Variants in KATNIP observed in about 807,000 individuals in gnomAD.
KATNIP encodes katanin-interacting protein.
KATNIP carries 126 observed loss-of-function variants against 174.0 expected under a neutral mutation model. The observed-to-expected ratio is 0.72, with a 90% confidence interval of 0.63 to 0.84. KATNIP has a LOEUF of 0.84. KATNIP is among the 40% of genes least tolerant of loss of function. The pLI, the probability that KATNIP is intolerant of heterozygous loss-of-function variation, is 0.00. For synonymous variants in KATNIP, 810 were observed against 835.7 expected (o/e 0.97, Z 0.53); for missense variants, 1,958 against 2,109.7 (o/e 0.93, Z 1.41).
chr16:27,597,550 T>C (rs1307717522), intron 2 of KATNIP, among the ~76,000 whole-genome samples: 3 of 152,140 alleles, frequency 2.0e-5, no homozygotes, highest in Admixed American at 2.0e-4. Flanking sequence ...ATCTGCTCTT[T>C]TATTTCTTAA....
intron 6 of KATNIP, among the ~76,000 whole-genome samples, chr16:27,655,400 A>T (rs1431476809): frequency 6.7e-6 from 1 of 148,586 alleles, no homozygotes; most frequent in Non-Finnish European, 1.5e-5. Context: ...TGTCCAGCCA[A>T]TTATTTATTT....
rs1013999116 is a variant in KATNIP, at chr16:27,754,074, A to T, written c.3553-99A>T. On this transcript the variant is annotated intron_variant, in intron 17 of 27. Transcript: ENST00000261588. ...AACACACAAGGACTTACCTGGGCAT[A>T]GGGTGGGCAGTGGTAAATGCAGAAA... The T allele has an allele frequency of 5.3e-6, 5 of 934,600 alleles. No homozygotes were observed. The African/African-American group carries it at 8.1e-5, about 15-fold the overall frequency. 57.9% of individuals were successfully genotyped at this position (934,600 alleles called of 1,614,324 possible). A position where few individuals can be genotyped will look rare whatever the true frequency, so the allele number is the denominator to read the frequency against.
chr16:27,689,417 A>G (rs116934747), intron 8 of KATNIP, among the ~76,000 whole-genome samples: 2,344 of 152,230 alleles, frequency 0.015, 22 homozygotes, highest in Middle Eastern at 0.058. Flanking sequence ...TCTAAAAAAA[A>G]AAAAAAGTCA....
intron 3 of KATNIP, among the ~76,000 whole-genome samples, chr16:27,627,649 T>C (rs1188421747): frequency 6.6e-6 from 1 of 152,270 alleles, no homozygotes; most frequent in Non-Finnish European, 1.5e-5. Context: ...GAATCGACTT[T>C]AGGTTTTTAG....
At chr16:27,640,746 G>C (rs1447666720) in intron 5 of KATNIP, among the ~76,000 whole-genome samples, 1 of 147,914 alleles carries the variant, frequency 6.8e-6, no homozygotes. Context: ...CTCAGTAAAA[G>C]CTTGCTGATT....
In KATNIP at chr16:27,595,966, C is replaced by T. The variant is rs748266921; in HGVS notation, c.63+22010C>T. Among the ~76,000 whole-genome samples, 46 of 152,162 alleles carry T rather than the reference C, an allele frequency of 3.0e-4. 1 individual carries two copies. Among genetic ancestry groups the T allele is most frequent in the Non-Finnish European group, 4.3e-4 (29 of 67,998 alleles). On this transcript the variant is annotated intron_variant, in intron 2 of 27. Coordinates refer to ENST00000261588, the MANE Select transcript of KATNIP (RefSeq NM_015202.5). ...ATCCGTGTGGCTGATGGAGGAGGAA[C>T]GAGGGTGGTGGGAGAGGAGGACAGA...
At chr16:27,743,072 G>A (rs1454928147) in intron 15 of KATNIP, among the ~76,000 whole-genome samples, 1 of 152,058 alleles carries the variant, frequency 6.6e-6, no homozygotes, top group African/African-American at 2.4e-5. Context: ...ATGTGTTCTC[G>A]TAGTTCAGCT....
intron 5 of KATNIP, among the ~76,000 whole-genome samples, chr16:27,641,677 A>G (rs72788529): frequency 1.2e-3 from 189 of 152,378 alleles, no homozygotes; most frequent in Admixed American, 2.3e-3. Flanking sequence ...GCTATTGGAA[A>G]TTGAATGTGC....
intron 14 of KATNIP, among the ~76,000 whole-genome samples, chr16:27,725,900 T>A (rs2080429933): frequency 6.6e-6 from 1 of 151,982 alleles, no homozygotes. Flanking sequence ...AGAAAGGCAC[T>A]CGTTAAATTG....
At chr16:27,753,927 T>C (rs2081612997) in intron 17 of KATNIP, among the ~76,000 whole-genome samples, 4 of 152,104 alleles carry the variant, frequency 2.6e-5, no homozygotes, top group Non-Finnish European at 2.9e-5. Context: ...ACACCTTAGC[T>C]GTTAGCATCA....
chr16:27,755,292 G>C (rs1597385106), intron 18 of KATNIP: 1 of 152,390 alleles, frequency 6.6e-6, no homozygotes, highest in East Asian at 1.9e-4. Flanking sequence ...GCAGGCACCT[G>C]TGCAAGCCAC....
intron 6 of KATNIP, among the ~76,000 whole-genome samples, chr16:27,671,828 G>A (rs1427018184): frequency 6.6e-6 from 1 of 152,138 alleles, no homozygotes; most frequent in Admixed American, 6.5e-5. Context: ...GGCTGAGGCG[G>A]GTGGATCACC....
intron 19 of KATNIP, among the ~76,000 whole-genome samples, chr16:27,762,257 A>G (rs1271166834): frequency 1.3e-5 from 2 of 152,192 alleles, no homozygotes; most frequent in African/African-American, 2.4e-5. Context: ...CCTCTGCCCC[A>G]TGCCAACTAT....
intron 2 of KATNIP, among the ~76,000 whole-genome samples, chr16:27,578,723 G>A (rs1183955866): frequency 1.3e-5 from 2 of 152,138 alleles, no homozygotes; most frequent in Admixed American, 1.3e-4. Flanking sequence ...GATTACGGGT[G>A]TGTCCCACCA....
intron 14 of KATNIP, among the ~76,000 whole-genome samples, chr16:27,735,074 G>T (rs991104827): frequency 6.6e-6 from 1 of 152,234 alleles, no homozygotes; most frequent in African/African-American, 2.4e-5. Flanking sequence ...ATCTGCCCAT[G>T]AATGTGGCTT....
At chr16:27,724,658 A>G (rs924659531) in intron 14 of KATNIP, among the ~76,000 whole-genome samples, 9 of 152,200 alleles carry the variant, frequency 5.9e-5, no homozygotes, top group African/African-American at 2.2e-4. Context: ...CACAAACCCA[A>G]TCTGTTGCCA....
At chr16:27,571,793 C>T (rs894248164) in intron 1 of KATNIP, among the ~76,000 whole-genome samples, 2 of 152,212 alleles carry the variant, frequency 1.3e-5, no homozygotes, top group Non-Finnish European at 2.9e-5. Flanking sequence ...CATGATGAGG[C>T]CTGACTACCT....
At chr16:27,724,322 G>A (rs1328295676) in intron 14 of KATNIP, among the ~76,000 whole-genome samples, 1 of 152,232 alleles carries the variant, frequency 6.6e-6, no homozygotes, top group Non-Finnish European at 1.5e-5. Flanking sequence ...CCAGCAGCCC[G>A]TGGCTGTGCC....
At chr16:27,723,036 T>TGGCAAAGGACAATGGCAGTC (rs1395969748) in intron 14 of KATNIP, among the ~76,000 whole-genome samples, 1 of 152,152 alleles carries the variant, frequency 6.6e-6, no homozygotes, top group Non-Finnish European at 1.5e-5. Context: ...TAAGCTGTGA[T>TGGCAAAGGACAATGGCAGTC]GGCAAAGGAC....
Sources: gnomAD v4.1 joint callset for allele counts (sites outside exome capture counted in the v4.1 genomes callset) on GRCh38, gnomAD v4.1.1 for gene constraint, MANE v1.5 for transcripts, NCBI Gene and HGNC (gene_info 2026-07-23, HGNC 2026-07-21) for gene names.